MTUS1: variants seen among roughly 807,000 people sequenced by gnomAD.
The protein encoded by MTUS1 is microtubule associated scaffold protein 1, also known as microtubule-associated tumor suppressor 1.
A neutral mutation model predicts 120.8 loss-of-function variants in MTUS1; 109 were observed. The observed-to-expected ratio is 0.90, with a 90% CI of 0.77 to 1.06. The LOEUF (loss-of-function observed/expected upper bound fraction) is 1.06. Ranked by LOEUF, MTUS1 falls within the 50% of genes least tolerant of loss-of-function variation. The pLI, the probability that MTUS1 is intolerant of heterozygous loss-of-function variation, is 0.00. For missense variants in MTUS1, 2,210 were observed against 1,486.3 expected, an observed-to-expected ratio of 1.49 and a Z score of -8.01; for synonymous variants, 737 against 550.5, an observed-to-expected ratio of 1.34 and a Z score of -4.74.
Position 17,754,583 on chromosome 8 carries a change from A to C in MTUS1, c.1225T>G (p.Phe409Val), listed in dbSNP as rs779578329. Reference sequence around the variant, plus strand: ...TCATTTGCATCCCAAGTCAGTCCAAATGACGAGCCCACCTTTTGTCCTGGC... The same window carrying C: ...TCATTTGCATCCCAAGTCAGTCCAACTGACGAGCCCACCTTTTGTCCTGGC... ...SPPGQKVGSS[F>V]GLTWDANDMV... The change falls in exon 2 of 15, where the codon TTT becomes GTT. Residue 409 changes from phenylalanine to valine, a missense_variant. Phe to Val is a conservative substitution (Grantham distance 50). Coordinates refer to ENST00000693296, the MANE Select transcript of MTUS1 (RefSeq NM_001363059.2). 1 of 1,614,200 alleles carries C rather than the reference A, an allele frequency of 6.2e-7. No individual in the cohort carries two copies. The highest frequency in any genetic ancestry group is 1.1e-5 in the South Asian group (1 of 91,084).
At position 17,754,894 on chromosome 8, in the gene MTUS1, G is replaced by C; in HGVS notation, c.914C>G (p.Ser305Cys). The stretch of plus-strand genomic sequence containing the variant: ...TAAACAAAAGAACTCTTGTAATGCA[G>C]AATCATTGGGGACTTCCATGCCATC... ...VSDGMEVPNDSALQEFFCLSH... is the reference protein window; with the variant it reads ...VSDGMEVPNDCALQEFFCLSH... Residue 305 changes from serine (S) to cysteine (C), a missense_variant, in exon 2 of 15, where the codon TCT becomes TGT. Physicochemically the swap from Ser to Cys is moderately radical, Grantham distance 112 (BLOSUM62 -1). Transcript: ENST00000693296. 3.7e-6 allele frequency: 6 copies of C among 1,614,228 alleles called. No individual in the cohort carries two copies. The highest frequency in any genetic ancestry group is 5.1e-6 in the Non-Finnish European group (6 of 1,180,042).
intron 1 of MTUS1, among the ~76,000 whole-genome samples, chr8:17,777,820 A>G (rs888704006): frequency 6.6e-6 from 1 of 152,198 alleles, no homozygotes; most frequent in Non-Finnish European, 1.5e-5. Flanking sequence ...TTTTCAGTAT[A>G]TTTTCCACAT....
At chr8:17,697,339 G>T (rs780954646) in intron 6 of MTUS1, 5 of 1,614,186 alleles carry the variant, frequency 3.1e-6, no homozygotes, top group Non-Finnish European at 3.4e-6. Context: ...TCAGTCGTAT[G>T]TGAATGGTGG....
intron 6 of MTUS1, among the ~76,000 whole-genome samples, chr8:17,709,781 G>A (rs926918155): frequency 6.6e-6 from 1 of 152,078 alleles, no homozygotes; most frequent in Non-Finnish European, 1.5e-5. Context: ...GGCCGAGGCA[G>A]GTGGATCATG....
chr8:17,744,473 T>TGTA, intron 2 of MTUS1, among the ~76,000 whole-genome samples: 1 of 151,898 alleles, frequency 6.6e-6, no homozygotes, highest in Admixed American at 6.6e-5. Flanking sequence ...CAGGCTGGAG[T>TGTA]GTAGTGGCAT....
intron 1 of MTUS1, among the ~76,000 whole-genome samples, chr8:17,771,787 G>A (rs921331643): frequency 6.6e-6 from 1 of 152,198 alleles, no homozygotes; most frequent in Admixed American, 6.5e-5. Flanking sequence ...CGACTAACAT[G>A]GATAATTCAT....
chr8:17,730,529 T>A (rs2046499567), intron 3 of MTUS1, among the ~76,000 whole-genome samples: 1 of 150,498 alleles, frequency 6.6e-6, no homozygotes, highest in South Asian at 2.1e-4. Flanking sequence ...AGCAGGTATC[T>A]GTACAACCAT....
At chr8:17,801,221 G>A (rs185503174), upstream of MTUS1, 1,707 of 151,452 alleles carry the variant, frequency 0.011, 22 homozygotes, top group Non-Finnish European at 0.019. Flanking sequence ...CGCCTGCGGC[G>A]GCTACCAGGC....
intron 1 of MTUS1, among the ~76,000 whole-genome samples, chr8:17,765,575 T>C (rs1380124582): frequency 6.9e-6 from 1 of 145,274 alleles, no homozygotes; most frequent in Non-Finnish European, 1.5e-5. Flanking sequence ...GCTGAGATTA[T>C]GCCACTGCAC....
At chr8:17,728,303 G>A (rs182769290) in intron 3 of MTUS1, among the ~76,000 whole-genome samples, 3 of 152,074 alleles carry the variant, frequency 2.0e-5, no homozygotes, top group Non-Finnish European at 4.4e-5. Context: ...TAGTAGAGAT[G>A]GGGTTTCATC....
At chr8:17,723,002 A>G (rs2045948433) in intron 4 of MTUS1, among the ~76,000 whole-genome samples, 1 of 152,220 alleles carries the variant, frequency 6.6e-6, no homozygotes, top group Admixed American at 6.5e-5. Context: ...ATTTTTTAGA[A>G]TAAGGGCCAT....
At chr8:17,751,576 T>G (rs1488085293) in intron 2 of MTUS1, among the ~76,000 whole-genome samples, 2 of 149,976 alleles carry the variant, frequency 1.3e-5, no homozygotes, top group African/African-American at 4.9e-5. Flanking sequence ...GAAAAAAGAG[T>G]AGGCCGGGGG....
Position 17,653,647 on chromosome 8 carries a change from A to G in MTUS1, c.3215-149T>C. On this transcript the variant is annotated intron_variant, in intron 10 of 14. Coordinates refer to ENST00000693296, the MANE Select transcript of MTUS1 (RefSeq NM_001363059.2). ...TAGTATGCTTTTATGTAAATTGGCCATCTGTTCTCAAAATGGCCTTGAGAG... is the reference window on the plus strand; with the variant it reads ...TAGTATGCTTTTATGTAAATTGGCCGTCTGTTCTCAAAATGGCCTTGAGAG... 4 of 609,284 alleles carry G rather than the reference A, an allele frequency of 6.6e-6. No individual in the cohort carries two copies. In the East Asian group the frequency reaches 9.0e-5, roughly 14 times the overall value. 37.7% of individuals were successfully genotyped at this position (609,284 alleles called of 1,614,324 possible). A position where few individuals can be genotyped will look rare whatever the true frequency, so the allele number is the denominator to read the frequency against.
At chr8:17,681,126 G>T (rs1246508060) in intron 7 of MTUS1, among the ~76,000 whole-genome samples, 1 of 151,992 alleles carries the variant, frequency 6.6e-6, no homozygotes. Context: ...GGGAGATGGG[G>T]TTTTACCATA....
chr8:17,750,835 TA>T (rs200073861), intron 2 of MTUS1, among the ~76,000 whole-genome samples: 417 of 152,298 alleles, frequency 2.7e-3, no homozygotes, highest in African/African-American at 9.5e-3. Flanking sequence ...CATGAACACA[TA>T]ACCTCTGTTG....
intron 3 of MTUS1, among the ~76,000 whole-genome samples, chr8:17,735,346 A>C (rs2046852883): frequency 6.6e-6 from 1 of 152,090 alleles, no homozygotes; most frequent in South Asian, 2.1e-4. Flanking sequence ...TCACACCAAC[A>C]GAAGTGGCCA....
At chr8:17,765,372 T>C (rs1264798348) in intron 1 of MTUS1, among the ~76,000 whole-genome samples, 1 of 152,162 alleles carries the variant, frequency 6.6e-6, no homozygotes, top group Non-Finnish European at 1.5e-5. Context: ...CTCATGCCTG[T>C]AATCCCAGCA....
chr8:17,646,546 C>T (rs1001868333), intron 14 of MTUS1, among the ~76,000 whole-genome samples: 1 of 152,184 alleles, frequency 6.6e-6, no homozygotes, highest in Non-Finnish European at 1.5e-5. Context: ...TAAGATCACA[C>T]CACTGTACTC....
rs527588643 is a variant in MTUS1 at position 17,669,881 on chromosome 8, CAT to C, written c.2905+5303_2905+5304del. ...AAAAACAAAATGTCCAGTAGAGACA[CAT>C]GTCAGCCTGACTCTAAGTACAGATC... On this transcript the variant is annotated intron_variant, in intron 8 of 14. Coordinates refer to ENST00000693296, the MANE Select transcript of MTUS1 (RefSeq NM_001363059.2). 4.4e-4 allele frequency among the ~76,000 whole-genome samples: 67 copies of C among 152,218 alleles called. 2 individuals are homozygous for C. The South Asian group carries it at 1.0e-2, about 23-fold the overall frequency.
Sources: gnomAD v4.1 joint callset for allele counts (sites outside exome capture counted in the v4.1 genomes callset) on GRCh38, gnomAD v4.1.1 for gene constraint, MANE v1.5 for transcripts, NCBI Gene and HGNC (gene_info 2026-07-23, HGNC 2026-07-21) for gene names.